TENM2: variants seen among roughly 807,000 people sequenced by gnomAD.
The protein encoded by TENM2 is teneurin-2.
A neutral mutation model predicts 245.2 loss-of-function variants in TENM2; 52 were observed. That is an observed-to-expected ratio of 0.21 (90% confidence interval 0.17 to 0.27). The LOEUF (loss-of-function observed/expected upper bound fraction) is 0.27. Among genes scored for constraint, TENM2 ranks in the 10% least tolerant of loss-of-function variants. TENM2 has a pLI of 1.00. For synonymous variants in TENM2, 1,363 were observed against 1,438.9 expected (o/e 0.95, Z 1.19); for missense variants, 3,046 against 3,666.8 (o/e 0.83, Z 4.37).
At chr5:167,054,999 T>C in the TENM2 span, among the ~76,000 whole-genome samples, 6 of 152,116 alleles carry the variant, frequency 3.9e-5, no homozygotes, top group Admixed American at 1.3e-4. Context: ...TTTCTTGACA[T>C]TGACTTCTGC....
intron 2 of TENM2, among the ~76,000 whole-genome samples, chr5:167,755,468 AT>A (rs912778257): frequency 6.6e-6 from 1 of 151,408 alleles, no homozygotes; most frequent in Admixed American, 6.6e-5. Context: ...GAAAAAAAAA[AT>A]ATGTGAAAAT....
At chr5:167,094,394 C>T in the TENM2 span, among the ~76,000 whole-genome samples, 2 of 151,988 alleles carry the variant, frequency 1.3e-5, no homozygotes, top group Non-Finnish European at 2.9e-5. Context: ...TAAATTTGGG[C>T]TTTCTAGAGT....
intron 1 of TENM2, among the ~76,000 whole-genome samples, chr5:167,322,823 A>C (rs1756850439): frequency 6.6e-6 from 1 of 152,294 alleles, no homozygotes; most frequent in East Asian, 1.9e-4. Context: ...AGTCTTTAAA[A>C]CCCAGCCAAA....
chr5:168,034,307 C>G (rs1047134327), intron 5 of TENM2, among the ~76,000 whole-genome samples: 1 of 147,678 alleles, frequency 6.8e-6, no homozygotes, highest in Non-Finnish European at 1.5e-5. Flanking sequence ...CGCCACTCCA[C>G]TCCAGCCTGG....
chr5:167,222,697 C>T, the TENM2 span, among the ~76,000 whole-genome samples: 8 of 152,170 alleles, frequency 5.3e-5, no homozygotes, highest in African/African-American at 1.9e-4. Flanking sequence ...CTACCTTAAG[C>T]TTTGACCAGA....
intron 5 of TENM2, among the ~76,000 whole-genome samples, chr5:168,024,572 G>A (rs1222127603): frequency 6.6e-6 from 1 of 152,196 alleles, no homozygotes; most frequent in Non-Finnish European, 1.5e-5. Flanking sequence ...ACTAATTTCA[G>A]TTTTTAATTA....
the TENM2 span, among the ~76,000 whole-genome samples, chr5:167,194,433 A>G: frequency 6.6e-6 from 1 of 152,046 alleles, no homozygotes; most frequent in South Asian, 2.1e-4. Context: ...TTCTGAATGT[A>G]CATCAAAGCT....
intron 27 of TENM2, among the ~76,000 whole-genome samples, chr5:168,255,874 C>T (rs1223992470): frequency 1.3e-5 from 2 of 151,850 alleles, no homozygotes; most frequent in Non-Finnish European, 2.9e-5. Context: ...GGCATACTCT[C>T]GGCTCACTGC....
chr5:167,568,646 G>GGTGTGT (rs3138740), intron 2 of TENM2, among the ~76,000 whole-genome samples: 4,451 of 142,554 alleles, frequency 0.031, 88 homozygotes, highest in South Asian at 0.077. Context: ...CAGAGACCAT[G>GGTGTGT]GTGTGTGTGT....
chr5:167,192,722 A>G, the TENM2 span, among the ~76,000 whole-genome samples: 1 of 152,066 alleles, frequency 6.6e-6, no homozygotes, highest in Non-Finnish European at 1.5e-5. Context: ...GATTTTGCTC[A>G]TATTCGCTAT....
chr5:167,871,117 G>T (rs1359871316), intron 2 of TENM2, among the ~76,000 whole-genome samples: 1 of 152,108 alleles, frequency 6.6e-6, no homozygotes, highest in Non-Finnish European at 1.5e-5. Context: ...GAGCAAAATG[G>T]TTCTGTAATT....
At chr5:167,755,973 G>T (rs989116738) in intron 2 of TENM2, among the ~76,000 whole-genome samples, 4 of 152,098 alleles carry the variant, frequency 2.6e-5, no homozygotes, top group Non-Finnish European at 5.9e-5. Flanking sequence ...TATCTTCACT[G>T]TATTATTGAG....
the TENM2 span, among the ~76,000 whole-genome samples, chr5:166,987,114 G>T: frequency 6.6e-6 from 1 of 152,088 alleles, no homozygotes; most frequent in African/African-American, 2.4e-5. Context: ...GAGGGGCACT[G>T]GTTCTTTTTA....
chr5:167,986,843 C>T (rs990580417), intron 4 of TENM2, among the ~76,000 whole-genome samples: 3 of 152,184 alleles, frequency 2.0e-5, no homozygotes, highest in African/African-American at 7.2e-5. Context: ...CAGGAGAAGT[C>T]CCCTAAGCCC....
chr5:167,618,196 G>A (rs1327942352), intron 2 of TENM2, among the ~76,000 whole-genome samples: 1 of 151,988 alleles, frequency 6.6e-6, no homozygotes, highest in East Asian at 1.9e-4. Context: ...GTATTCCCTC[G>A]CTTTAATTTT....
At chr5:167,974,486 C>T (rs1782283595) in intron 4 of TENM2, among the ~76,000 whole-genome samples, 1 of 148,584 alleles carries the variant, frequency 6.7e-6, no homozygotes, top group African/African-American at 2.5e-5. Flanking sequence ...GAAAGAGATA[C>T]ATACTTAAAG....
intron 2 of TENM2, among the ~76,000 whole-genome samples, chr5:167,519,253 A>T (rs1451873469): frequency 6.6e-6 from 1 of 152,184 alleles, no homozygotes; most frequent in Non-Finnish European, 1.5e-5. Flanking sequence ...GACAGAAATC[A>T]TCAATATCTT....
chr5:167,538,920 C>G (rs1409402762), intron 2 of TENM2, among the ~76,000 whole-genome samples: 2 of 152,256 alleles, frequency 1.3e-5, no homozygotes, highest in East Asian at 1.9e-4. Context: ...AGTTCTGGTT[C>G]TTAAACCTTT....
At chr5:167,188,986 T>C in the TENM2 span, among the ~76,000 whole-genome samples, 7 of 152,162 alleles carry the variant, frequency 4.6e-5, no homozygotes, top group Non-Finnish European at 1.0e-4. Context: ...CCACTGAGGC[T>C]TATTTATTTG....
Sources: allele counts gnomAD v4.1 joint callset (sites outside exome capture counted in the v4.1 genomes callset), GRCh38; gene constraint gnomAD v4.1.1; transcripts MANE v1.5; gene names NCBI Gene and HGNC (gene_info 2026-07-23, HGNC 2026-07-21).